Variants in EPM2A observed in about 807,000 individuals in gnomAD.
EPM2A encodes the protein laforin.
A neutral mutation model predicts 26.5 loss-of-function variants in EPM2A; 21 were observed. The observed-to-expected ratio is 0.79, with a 90% CI of 0.56 to 1.14. The LOEUF (loss-of-function observed/expected upper bound fraction) is 1.14, where lower values mean the gene tolerates loss of function less well. EPM2A is among the 50% of genes most tolerant of loss of function. The probability of loss-of-function intolerance (pLI) is 0.00; values close to 1 mark genes in which losing one functional copy is unlikely to be tolerated. For missense variants in EPM2A, 458 were observed against 440.8 expected (o/e 1.04, Z -0.35); for synonymous variants, 217 against 177.6 (o/e 1.22, Z -1.76).
intron 4 of EPM2A, among the ~76,000 whole-genome samples, chr6:145,422,833 C>A (rs1227292001): frequency 6.6e-6 from 1 of 152,038 alleles, no homozygotes; most frequent in African/African-American, 2.4e-5. Flanking sequence ...AATTAATCAA[C>A]AAGGTAGTAT....
intron 4 of EPM2A, among the ~76,000 whole-genome samples, chr6:145,474,649 C>T (rs1779519686): frequency 6.6e-6 from 1 of 152,034 alleles, no homozygotes; most frequent in African/African-American, 2.4e-5. Context: ...AGCTTCTGCA[C>T]AGCAAAAGAA....
chr6:145,683,093 G>T (rs1205948811), intron 2 of EPM2A, among the ~76,000 whole-genome samples: 1 of 152,052 alleles, frequency 6.6e-6, no homozygotes, highest in African/African-American at 2.4e-5. Flanking sequence ...ACTGAATTCA[G>T]ATTTTCATCT....
At chr6:145,509,192 C>G (rs1478046122) in intron 2 of EPM2A, among the ~76,000 whole-genome samples, 1 of 152,106 alleles carries the variant, frequency 6.6e-6, no homozygotes, top group Non-Finnish European at 1.5e-5. Flanking sequence ...GAAAATGTCT[C>G]TAATCTGGCT....
intron 2 of EPM2A, among the ~76,000 whole-genome samples, chr6:145,609,187 C>G (rs1055662633): frequency 2.6e-5 from 4 of 152,182 alleles, no homozygotes; most frequent in African/African-American, 9.7e-5. Context: ...TGATCGGACT[C>G]TATGCTGAGC....
At chr6:145,515,912 T>A (rs890825990) in intron 2 of EPM2A, among the ~76,000 whole-genome samples, 1 of 152,182 alleles carries the variant, frequency 6.6e-6, no homozygotes, top group African/African-American at 2.4e-5. Flanking sequence ...TGCCTCCATT[T>A]ACCATGGTGA....
intron 4 of EPM2A, among the ~76,000 whole-genome samples, chr6:145,436,535 C>T (rs146465015): frequency 1.3e-5 from 2 of 152,062 alleles, no homozygotes; most frequent in East Asian, 1.9e-4. Flanking sequence ...TGTTAACATC[C>T]TAGGGGGTGT....
At chr6:145,451,989 T>C (rs1025456892) in intron 4 of EPM2A, among the ~76,000 whole-genome samples, 1 of 152,170 alleles carries the variant, frequency 6.6e-6, no homozygotes, top group Non-Finnish European at 1.5e-5. Flanking sequence ...TTCATCATTG[T>C]TTTTTCTTTT....
intron 4 of EPM2A, among the ~76,000 whole-genome samples, chr6:145,471,089 A>C (rs982940764): frequency 1.3e-5 from 2 of 152,146 alleles, no homozygotes; most frequent in Non-Finnish European, 2.9e-5. Context: ...GTTTGGTATC[A>C]AAGTCATTGA....
At chr6:145,446,761 T>A (rs950503873) in intron 4 of EPM2A, among the ~76,000 whole-genome samples, 2 of 151,946 alleles carry the variant, frequency 1.3e-5, no homozygotes, top group African/African-American at 4.8e-5. Flanking sequence ...ATGCATAACT[T>A]TGGAGTCAAC....
At chr6:145,686,397 C>G in intron 1 of EPM2A, 101 bp from the exon 2 acceptor site, 1 of 899,752 alleles carries the variant, frequency 1.1e-6, no homozygotes, top group Non-Finnish European at 1.8e-6. Flanking sequence ...AAAAAATAAA[C>G]ATAAAGCTAC....
chr6:145,554,930 G>A (rs1384683728), intron 2 of EPM2A, among the ~76,000 whole-genome samples: 2 of 152,046 alleles, frequency 1.3e-5, no homozygotes, highest in African/African-American at 2.4e-5. Flanking sequence ...TTCTTCATCT[G>A]GGGACTTCAG....
At chr6:145,425,372 G>T (rs1299567068) in intron 4 of EPM2A, among the ~76,000 whole-genome samples, 2 of 151,826 alleles carry the variant, frequency 1.3e-5, no homozygotes, top group Non-Finnish European at 2.9e-5. Context: ...ACAGGGTTTC[G>T]CCATGTTGGC....
At chr6:145,734,785 G>A (rs1411641588) in intron 1 of EPM2A, 1 of 153,326 alleles carries the variant, frequency 6.5e-6, no homozygotes, top group Non-Finnish European at 1.5e-5. Context: ...GCAGCCAAGG[G>A]ACCCGCGAAG....
intron 2 of EPM2A, among the ~76,000 whole-genome samples, chr6:145,538,590 G>A (rs1362070086): frequency 6.6e-6 from 1 of 152,206 alleles, no homozygotes; most frequent in Non-Finnish European, 1.5e-5. Context: ...AGAGTTAATA[G>A]CTGACAAAGG....
rs140239137 is a variant in EPM2A at position 145,662,973 on chromosome 6, T to C, written c.476+23149A>G. ...GAGGTCAACATTTAAATAAATTTCG[T>C]TGGTGACTTCCTATTTAATGCAACT... On this transcript the variant is annotated intron_variant, in intron 2 of 3. Transcript: ENST00000367519. Among the ~76,000 whole-genome samples the C allele has an allele frequency of 2.0e-4, 31 of 152,234 alleles. No individual in the cohort carries two copies. The East Asian group carries it at 5.6e-3, about 28-fold the overall frequency.
chr6:145,437,846 A>C (rs1168842860), intron 4 of EPM2A, among the ~76,000 whole-genome samples: 1 of 152,238 alleles, frequency 6.6e-6, no homozygotes, highest in Admixed American at 6.5e-5. Flanking sequence ...TGCTTTGTAC[A>C]TCAGGCTCAG....
At chr6:145,542,653 C>T (rs765091786) in intron 2 of EPM2A, among the ~76,000 whole-genome samples, 1 of 152,172 alleles carries the variant, frequency 6.6e-6, no homozygotes, top group Non-Finnish European at 1.5e-5. Flanking sequence ...CCTTGTTAGT[C>T]CCCTCTGGAC....
At chr6:145,730,379 C>T (rs1776426211) in intron 1 of EPM2A, among the ~76,000 whole-genome samples, 2 of 152,170 alleles carry the variant, frequency 1.3e-5, no homozygotes, top group South Asian at 4.1e-4. Context: ...CCTTCTTCTC[C>T]CTTATTCCAC....
chr6:145,451,199 G>A (rs924905037), intron 4 of EPM2A, among the ~76,000 whole-genome samples: 2 of 152,158 alleles, frequency 1.3e-5, no homozygotes, highest in African/African-American at 4.8e-5. Flanking sequence ...TGAAATCAGT[G>A]CTGATCTTAC....
Sources: allele counts gnomAD v4.1 joint callset (sites outside exome capture counted in the v4.1 genomes callset), GRCh38; gene constraint gnomAD v4.1.1; transcripts MANE v1.5; gene names NCBI Gene and HGNC (gene_info 2026-07-23, HGNC 2026-07-21).